Variants in RAD54L observed in about 807,000 individuals in gnomAD.
RAD54L encodes the protein RAD54 like.
In RAD54L, 74 loss-of-function variants were observed where a neutral mutation model predicts 91.6. The ratio of observed to expected loss-of-function variants is 0.81; its 90% confidence interval spans 0.67 to 0.98. RAD54L has a LOEUF of 0.98. RAD54L is among the 50% of genes least tolerant of loss of function. RAD54L has a pLI of 0.00. For synonymous variants in RAD54L, 304 were observed against 349.7 expected (o/e 0.87, Z 1.46); for missense variants, 887 against 945.7 (o/e 0.94, Z 0.81).
intron 16 of RAD54L, 35 bp downstream of exon 16, chr1:46,274,752 G>T (rs1470631206): frequency 6.2e-7 from 1 of 1,612,466 alleles, no homozygotes; most frequent in Non-Finnish European, 8.5e-7. Flanking sequence ...GTAGGGGTGG[G>T]TCATGGAACG....
At position 46,247,824 on chromosome 1, in the gene RAD54L, C is replaced by G; in HGVS notation, c.-582C>G. On this transcript the variant is annotated 5_prime_UTR_variant, in exon 1 of 18. Coordinates refer to ENST00000371975, the MANE Select transcript of RAD54L (RefSeq NM_003579.4). The stretch of plus-strand genomic sequence containing the variant: ...GAGGTGCTGGGGTCTGCGTCTATCT[C>G]TGTCGCTCTTTTCAGCCCCTCCTGG... 1 of 202,062 alleles carries G rather than the reference C, an allele frequency of 4.9e-6. No homozygotes were observed. The highest frequency in any genetic ancestry group is 7.9e-5 in the South Asian group (1 of 12,630). 12.5% of individuals were successfully genotyped at this position (202,062 alleles called of 1,614,324 possible). A position where few individuals can be genotyped will look rare whatever the true frequency, so the allele number is the denominator to read the frequency against.
At chr1:46,257,143 C>CAAAA (rs576146179) in intron 3 of RAD54L, among the ~76,000 whole-genome samples, 1 of 54,416 alleles carries the variant, frequency 1.8e-5, no homozygotes, top group African/African-American at 5.9e-5. Context: ...GACTCCATCT[C>CAAAA]AAAAAAAAAA....
At chr1:46,277,755 C>T in intron 16 of RAD54L, 62 bp from the exon 17 acceptor site, 1 of 1,530,490 alleles carries the variant, frequency 6.5e-7, no homozygotes, top group South Asian at 1.1e-5. Context: ...TTTTCCTGCT[C>T]CCTTTTTATG....
intron 9 of RAD54L, among the ~76,000 whole-genome samples, chr1:46,268,876 C>T (rs147119664): frequency 6.6e-6 from 1 of 152,288 alleles, no homozygotes; most frequent in Non-Finnish European, 1.5e-5. Context: ...AGCAATCCTC[C>T]CACTTTGGCC....
At chr1:46,248,444 T>C (rs1464769938) in intron 1 of RAD54L, 36 bp downstream of exon 1, 1 of 1,614,098 alleles carries the variant, frequency 6.2e-7, no homozygotes, top group Non-Finnish European at 8.5e-7. Flanking sequence ...GGAATAGCCC[T>C]GGGTCAGGGT....
chr1:46,255,056 G>A (rs1659903072), intron 3 of RAD54L, among the ~76,000 whole-genome samples: 1 of 152,166 alleles, frequency 6.6e-6, no homozygotes, highest in African/African-American at 2.4e-5. Flanking sequence ...CATGTCCATT[G>A]GAATTAGGGT....
At position 46,275,724 on chromosome 1, in the gene RAD54L, C is replaced by T. The variant is rs560534528; in HGVS notation, c.1869+1007C>T. On this transcript the variant is annotated intron_variant, in intron 16 of 17. Transcript: ENST00000371975. The stretch of plus-strand genomic sequence containing the variant: ...ATCTTCTTTCTACTCACTCATCAGA[C>T]TCCTTATACCACTGAACCTACCTTC... Among the ~76,000 whole-genome samples, 245 of 152,290 alleles carry T rather than the reference C, an allele frequency of 1.6e-3. 2 individuals carry two copies. Among genetic ancestry groups the T allele is most frequent in the African/African-American group, 5.7e-3 (238 of 41,558 alleles).
In RAD54L at chr1:46,259,948, G is replaced by A; in HGVS notation, c.272-16G>A. The stretch of plus-strand genomic sequence containing the variant: ...TAAACATAGATTCAGGTGACGGAAT[G>A]ATTATTGGTTTGTAGGTCCTCTGGG... On this transcript the variant is annotated splice_polypyrimidine_tract_variant and intron_variant, in intron 4 of 17. Transcript: ENST00000371975. 1 of 1,614,118 alleles carries A rather than the reference G, an allele frequency of 6.2e-7. No homozygotes were observed. The highest frequency in any genetic ancestry group is 8.5e-7 in the Non-Finnish European group (1 of 1,180,008).
intron 5 of RAD54L, 57 bp from the exon 6 acceptor site, chr1:46,260,485 G>C (rs1660078556): frequency 6.5e-7 from 1 of 1,533,196 alleles, no homozygotes; most frequent in Non-Finnish European, 9.0e-7. Context: ...ACAGCTTCCT[G>C]AGGGTGCTCC....
At chr1:46,257,869 T>TG (rs1365058998) in intron 3 of RAD54L, among the ~76,000 whole-genome samples, 1 of 152,144 alleles carries the variant, frequency 6.6e-6, no homozygotes, top group African/African-American at 2.4e-5. Context: ...CTTTGTGACT[T>TG]GAGAAAGTGA....
At chr1:46,257,209 A>C (rs1178477245) in intron 3 of RAD54L, among the ~76,000 whole-genome samples, 2 of 151,582 alleles carry the variant, frequency 1.3e-5, no homozygotes, top group African/African-American at 4.8e-5. Flanking sequence ...GACATTGATG[A>C]TGTGTGAAGA....
At chr1:46,261,439 C>T in intron 8 of RAD54L, 54 bp downstream of exon 8, 1 of 1,606,002 alleles carries the variant, frequency 6.2e-7, no homozygotes, top group South Asian at 1.1e-5. Context: ...AAAATCTCTT[C>T]ACTGAGTATT....
intron 8 of RAD54L, among the ~76,000 whole-genome samples, 190 bp downstream of exon 8, chr1:46,261,575 A>G (rs773114591): frequency 3.9e-5 from 6 of 152,192 alleles, no homozygotes; most frequent in Non-Finnish European, 7.3e-5. Context: ...GGGCTGAAAC[A>G]ATGCTTAGAA....
At position 46,263,824 on chromosome 1, in the gene RAD54L, G is replaced by A. The variant is rs1014815094; in HGVS notation, c.891+2439G>A. 1.3e-5 allele frequency among the ~76,000 whole-genome samples: 2 copies of A among 151,996 alleles called. No homozygotes were observed. The highest frequency in any genetic ancestry group is 2.4e-5 in the African/African-American group (1 of 41,374). On this transcript the variant is annotated intron_variant, in intron 8 of 17. Coordinates refer to ENST00000371975, the MANE Select transcript of RAD54L (RefSeq NM_003579.4). The surrounding 1 kb of genome is among the most constrained non-coding windows in gnomAD (Gnocchi z 4.3). ...ACTTTTTGTTTTTTTTTGAGACAAG[G>A]GTCTTGTTCTGTTGTCCAGATGGAG...
chr1:46,253,554 G>A lies in RAD54L; in HGVS notation c.210+3435G>A, dbSNP rs1659858518. ...GGCATGAACCCGGGAGGTGGAGCTT[G>A]CAGTGAGCCAAGATTGTGCCACTGC... On this transcript the variant is annotated intron_variant, in intron 3 of 17. Coordinates refer to ENST00000371975, the MANE Select transcript of RAD54L (RefSeq NM_003579.4). Among the ~76,000 whole-genome samples the A allele has an allele frequency of 4.6e-5, 7 of 151,926 alleles. No individual in the cohort carries two copies. In the South Asian group the frequency reaches 1.5e-3, roughly 32 times the overall value.
intron 8 of RAD54L, among the ~76,000 whole-genome samples, chr1:46,264,944 G>C (rs1660227086): frequency 6.6e-6 from 1 of 152,204 alleles, no homozygotes; most frequent in Admixed American, 6.5e-5. Context: ...ACAGGATAGT[G>C]TGGCAGCCCA....
Position 46,248,241 on chromosome 1 carries a change from C to A in RAD54L, c.-165C>A, listed in dbSNP as rs1347313659. 20 of 903,670 alleles carry A rather than the reference C, an allele frequency of 2.2e-5. No homozygotes were observed. The highest frequency in any genetic ancestry group is 3.4e-5 in the Non-Finnish European group (19 of 559,546). 56.0% of individuals were successfully genotyped at this position (903,670 alleles called of 1,614,324 possible). A position where few individuals can be genotyped will look rare whatever the true frequency, so the allele number is the denominator to read the frequency against. The stretch of plus-strand genomic sequence containing the variant: ...CACAGTTTGGTTCCAAACACCAGTT[C>A]CTGGATGGATTCCCGCCATCCATGC... On this transcript the variant is annotated 5_prime_UTR_variant, in exon 1 of 18. Coordinates refer to ENST00000371975, the MANE Select transcript of RAD54L (RefSeq NM_003579.4).
intron 9 of RAD54L, among the ~76,000 whole-genome samples, chr1:46,269,752 G>A (rs745576201): frequency 8.5e-5 from 13 of 152,078 alleles, no homozygotes; most frequent in Non-Finnish European, 1.6e-4. Flanking sequence ...TTATAATACG[G>A]AACCTTCCAA....
chr1:46,270,640 C>G lies in RAD54L; in HGVS notation c.1043-19C>G, dbSNP rs757277034. 1.9e-6 allele frequency: 3 copies of G among 1,612,432 alleles called. No homozygotes were observed. The highest frequency in any genetic ancestry group is 2.5e-6 in the Non-Finnish European group (3 of 1,179,874). On this transcript the variant is annotated intron_variant, in intron 9 of 17. Transcript: ENST00000371975. ...TTCCTTTTCCACATTCTTCTGTTTT[C>G]CTTCTCTCCTGTGTTTAGGGACTGC... is the stretch of plus-strand genomic sequence containing the variant.
Sources: allele counts gnomAD v4.1 joint callset (sites outside exome capture counted in the v4.1 genomes callset), GRCh38; gene constraint gnomAD v4.1.1; non-coding constraint Gnocchi (gnomAD v3.1); transcripts MANE v1.5; gene names NCBI Gene and HGNC (gene_info 2026-07-23, HGNC 2026-07-21).